The following ARAP2 variants were observed in gnomAD, a reference collection of about 807,000 sequenced individuals.
ARAP2 encodes the protein ArfGAP with RhoGAP domain, ankyrin repeat and PH domain 2, also known as arf-GAP with Rho-GAP domain, ANK repeat and PH domain-containing protein 2.
In ARAP2, 148 loss-of-function variants were observed where a neutral mutation model predicts 194.5. That is an observed-to-expected ratio of 0.76 (90% CI 0.67 to 0.87). The LOEUF (loss-of-function observed/expected upper bound fraction) is 0.87. ARAP2 is among the 40% of genes least tolerant of loss of function. The probability of loss-of-function intolerance (pLI) is 0.00; values close to 1 mark genes in which losing one functional copy is unlikely to be tolerated. For missense variants in ARAP2, 2,128 were observed against 1,989.7 expected, an observed-to-expected ratio of 1.07 and a Z score of -1.32; for synonymous variants, 695 against 683.5, an observed-to-expected ratio of 1.02 and a Z score of -0.26.
chr4:36,033,015 T>G (rs564175032), intron 5 of ARAP2, among the ~76,000 whole-genome samples: 2 of 150,212 alleles, frequency 1.3e-5, no homozygotes, highest in Admixed American at 6.7e-5. Context: ...CTCATTTTTT[T>G]GTGGCTGCAT....
intron 30 of ARAP2, among the ~76,000 whole-genome samples, chr4:36,080,662 C>T (rs1729329004): frequency 6.6e-6 from 1 of 152,154 alleles, no homozygotes; most frequent in Non-Finnish European, 1.5e-5. Flanking sequence ...CTCATAAGAG[C>T]AGATCTTTCT....
intron 2 of ARAP2, among the ~76,000 whole-genome samples, chr4:36,218,734 A>T (rs1180861508): frequency 6.6e-6 from 1 of 152,206 alleles, no homozygotes; most frequent in African/African-American, 2.4e-5. Context: ...AATTAAGATG[A>T]AGAACTCTTA....
intron 7 of ARAP2, among the ~76,000 whole-genome samples, chr4:36,193,372 T>C (rs999206839): frequency 2.0e-5 from 3 of 152,194 alleles, no homozygotes; most frequent in Non-Finnish European, 4.4e-5. Context: ...ATCTTAAAAT[T>C]AGTGTGTTAA....
intron 28 of ARAP2, among the ~76,000 whole-genome samples, chr4:36,090,594 G>T (rs1281309517): frequency 6.6e-6 from 1 of 152,112 alleles, no homozygotes; most frequent in East Asian, 1.9e-4. Flanking sequence ...AAAAGAATGA[G>T]ATCATGTCCT....
At chr4:36,116,923 T>C in intron 25 of ARAP2, 138 bp downstream of exon 25, 1 of 444,026 alleles carries the variant, frequency 2.3e-6, no homozygotes, top group Non-Finnish European at 3.8e-6. Context: ...GGGATATCAC[T>C]ATAAAAAGTC....
intron 5 of ARAP2, among the ~76,000 whole-genome samples, chr4:36,042,066 AT>A (rs1197618119): frequency 6.6e-6 from 1 of 152,186 alleles, no homozygotes; most frequent in East Asian, 1.9e-4. Flanking sequence ...AAAAATAATT[AT>A]TGGGTACTGG....
downstream of ARAP2, among the ~76,000 whole-genome samples, chr4:36,063,381 A>C (rs1724785785): frequency 1.3e-5 from 2 of 152,076 alleles, no homozygotes. Flanking sequence ...TGGGTGCAGC[A>C]AACCAACATG....
chr4:36,083,280 T>TA (rs2109352863), intron 29 of ARAP2, 88 bp downstream of exon 29: 3 of 948,724 alleles, frequency 3.2e-6, no homozygotes, highest in South Asian at 1.5e-5. Context: ...TATAAAAAGT[T>TA]AGACTAATGC....
chr4:36,123,817 A>G (rs894655797), intron 22 of ARAP2, among the ~76,000 whole-genome samples: 4 of 151,936 alleles, frequency 2.6e-5, no homozygotes, highest in African/African-American at 9.6e-5. Flanking sequence ...TAACTCTGTC[A>G]TCTTCTAGTA....
intron 28 of ARAP2, among the ~76,000 whole-genome samples, chr4:36,090,008 A>G (rs1713122928): frequency 6.6e-6 from 1 of 152,014 alleles, no homozygotes; most frequent in Non-Finnish European, 1.5e-5. Context: ...ATATTATTAG[A>G]CCACTAGCTT....
chr4:36,011,793 C>G (rs1714618955), intron 9 of ARAP2, among the ~76,000 whole-genome samples: 1 of 151,934 alleles, frequency 6.6e-6, no homozygotes, highest in South Asian at 2.1e-4. Context: ...GTTGTAAACA[C>G]AGCATATTAG....
At chr4:36,117,430 C>T (rs1166919260) in intron 24 of ARAP2, among the ~76,000 whole-genome samples, 1 of 151,528 alleles carries the variant, frequency 6.6e-6, no homozygotes, top group African/African-American at 2.4e-5. Flanking sequence ...ATAATGAATC[C>T]AGCTACAATA....
intron 1 of ARAP2, among the ~76,000 whole-genome samples, chr4:36,238,368 G>A (rs189338978): frequency 2.6e-5 from 4 of 152,290 alleles, no homozygotes; most frequent in East Asian, 3.9e-4. Flanking sequence ...CAGCTGCAGA[G>A]GAGGAAAATC....
chr4:36,183,020 G>T (rs1031244387), intron 8 of ARAP2, among the ~76,000 whole-genome samples: 27 of 152,256 alleles, frequency 1.8e-4, no homozygotes, highest in African/African-American at 6.5e-4. Context: ...CAGACTTGGG[G>T]CCCCACAATC....
intron 5 of ARAP2, among the ~76,000 whole-genome samples, chr4:36,031,792 C>G (rs192805062): frequency 6.6e-6 from 1 of 152,044 alleles, no homozygotes; most frequent in Non-Finnish European, 1.5e-5. Flanking sequence ...CCTCAGCCCC[C>G]CAAGTAGCTG....
intron 19 of ARAP2, among the ~76,000 whole-genome samples, chr4:36,139,307 G>C (rs952837013): frequency 2.0e-5 from 3 of 151,440 alleles, no homozygotes; most frequent in Non-Finnish European, 4.4e-5. Context: ...AAATTCATTG[G>C]TATGAAGTTG....
At chr4:36,106,772 TA>T (rs140975134) in intron 27 of ARAP2, among the ~76,000 whole-genome samples, 2,654 of 151,882 alleles carry the variant, frequency 0.017, 70 homozygotes, top group African/African-American at 0.06. Context: ...ACAAGGAAGT[TA>T]AAAAAAACTT....
intron 20 of ARAP2, among the ~76,000 whole-genome samples, chr4:36,131,007 C>T (rs1725304180): frequency 6.6e-6 from 1 of 151,802 alleles, no homozygotes; most frequent in African/African-American, 2.4e-5. Flanking sequence ...CCCTAAGAGT[C>T]ATACTATGAA....
intron 31 of ARAP2, 114 bp from the exon 32 acceptor site, chr4:36,073,937 T>C (rs1727644810): frequency 2.3e-6 from 3 of 1,309,384 alleles, no homozygotes; most frequent in Non-Finnish European, 3.2e-6. Flanking sequence ...CTGATTTCCA[T>C]GAGAATTCCA....
Sources: allele counts gnomAD v4.1 joint callset (sites outside exome capture counted in the v4.1 genomes callset), GRCh38; gene constraint gnomAD v4.1.1; transcripts MANE v1.5; gene names NCBI Gene and HGNC (gene_info 2026-07-23, HGNC 2026-07-21).